CRYBG1: variants seen among roughly 807,000 people sequenced by gnomAD.
The protein encoded by CRYBG1 is crystallin beta-gamma domain containing 1, also known as beta/gamma crystallin domain-containing protein 1.
CRYBG1 carries 139 observed loss-of-function variants against 189.2 expected under a neutral mutation model. The observed-to-expected ratio is 0.73, with a 90% CI of 0.64 to 0.85. The LOEUF is 0.85. Among genes scored for constraint, CRYBG1 ranks in the 40% least tolerant of loss-of-function variants. CRYBG1 has a pLI of 0.00. For missense variants in CRYBG1, 2,611 were observed against 2,675.8 expected, an observed-to-expected ratio of 0.98 and a Z score of 0.53; for synonymous variants, 1,023 against 1,017.1, an observed-to-expected ratio of 1.01 and a Z score of -0.11.
At chr6:106,458,575 A>G (rs1714408104) in intron 2 of CRYBG1, among the ~76,000 whole-genome samples, 1 of 152,156 alleles carries the variant, frequency 6.6e-6, no homozygotes, top group Admixed American at 6.5e-5. Flanking sequence ...ATTTTTTTTC[A>G]TGAATGAAAT....
intron 1 of CRYBG1, among the ~76,000 whole-genome samples, chr6:106,419,351 G>C (rs1381908582): frequency 1.3e-5 from 2 of 152,164 alleles, no homozygotes; most frequent in Non-Finnish European, 2.9e-5. Flanking sequence ...GAAAGACAAA[G>C]AAATATAAGA....
chr6:106,437,783 T>C (rs1771489341), intron 1 of CRYBG1, among the ~76,000 whole-genome samples: 1 of 152,234 alleles, frequency 6.6e-6, no homozygotes, highest in South Asian at 2.1e-4. Context: ...GAAGTTGTTT[T>C]CCTTCCCTTC....
intron 8 of CRYBG1, among the ~76,000 whole-genome samples, chr6:106,534,620 C>T (rs1272942541): frequency 6.6e-6 from 1 of 152,200 alleles, no homozygotes; most frequent in Non-Finnish European, 1.5e-5. Flanking sequence ...AGATTAAGCT[C>T]TTCTACTCAT....
intron 1 of CRYBG1, among the ~76,000 whole-genome samples, chr6:106,372,643 T>A (rs377079727): frequency 6.6e-6 from 1 of 152,160 alleles, no homozygotes; most frequent in African/African-American, 2.4e-5. Flanking sequence ...CTGAGAAAGA[T>A]GGGTGTGGCA....
At chr6:106,428,039 T>G (rs1252405749) in intron 1 of CRYBG1, among the ~76,000 whole-genome samples, 1 of 152,256 alleles carries the variant, frequency 6.6e-6, no homozygotes, top group East Asian at 1.9e-4. Flanking sequence ...TCTGTTCATC[T>G]GCTCTTAAGA....
chr6:106,491,990 C>T (rs1370907903), intron 2 of CRYBG1, among the ~76,000 whole-genome samples: 1 of 152,148 alleles, frequency 6.6e-6, no homozygotes, highest in Non-Finnish European at 1.5e-5. Flanking sequence ...TGCCTTTCCT[C>T]AGTCTGTTCC....
chr6:106,489,532 A>G (rs907553338), intron 2 of CRYBG1, among the ~76,000 whole-genome samples: 3 of 151,984 alleles, frequency 2.0e-5, no homozygotes, highest in African/African-American at 4.8e-5. Flanking sequence ...GAAAAAGAAA[A>G]CATTGGCCAG....
chr6:106,541,384 T>C (rs1367816182), intron 9 of CRYBG1: 1 of 677,628 alleles, frequency 1.5e-6, no homozygotes, highest in Admixed American at 2.2e-5. Flanking sequence ...TATAGACTGC[T>C]TGTGCGAGGC....
chr6:106,532,972 C>T (rs1394297064), intron 8 of CRYBG1, among the ~76,000 whole-genome samples: 1 of 152,292 alleles, frequency 6.6e-6, no homozygotes, highest in Middle Eastern at 3.4e-3. Flanking sequence ...AGGTGCTTTT[C>T]TAGTCACTGG....
intron 1 of CRYBG1, among the ~76,000 whole-genome samples, chr6:106,410,823 A>T (rs1770915692): frequency 6.6e-6 from 1 of 152,108 alleles, no homozygotes; most frequent in Admixed American, 6.6e-5. Flanking sequence ...GAACACATGG[A>T]CCTGGAGGGA....
In CRYBG1 at chr6:106,520,313, G is replaced by GA; in HGVS notation, c.3109dup (p.Thr1037AsnfsTer18). ...CACAAGTCATACCGCCAGCATCAGA[G>GA]AAAACTCTGCCTATTCAGGCTCAAA... On this transcript the variant is annotated frameshift_variant, in exon 4 of 22. Coordinates refer to ENST00000633556, the MANE Select transcript of CRYBG1 (RefSeq NM_001371242.2). LOFTEE classifies it high-confidence loss of function. The GA allele has an allele frequency of 6.2e-7, 1 of 1,614,112 alleles. No individual in the cohort carries two copies. Among genetic ancestry groups the GA allele is most frequent in the South Asian group, 1.1e-5 (1 of 91,082 alleles).
At chr6:106,467,447 G>T (rs2114461616) in intron 2 of CRYBG1, among the ~76,000 whole-genome samples, 1 of 152,028 alleles carries the variant, frequency 6.6e-6, no homozygotes, top group South Asian at 2.1e-4. Context: ...ACTCCAGCCT[G>T]GGCAACAGAG....
intron 2 of CRYBG1, among the ~76,000 whole-genome samples, chr6:106,452,533 T>A (rs1771805708): frequency 6.6e-6 from 1 of 152,202 alleles, no homozygotes; most frequent in Non-Finnish European, 1.5e-5. Context: ...TTTTTTCTTT[T>A]ATACAAACTG....
intron 1 of CRYBG1, among the ~76,000 whole-genome samples, chr6:106,402,303 AG>A (rs1342698383): frequency 1.3e-5 from 1 of 77,856 alleles, no homozygotes; most frequent in Non-Finnish European, 2.4e-5. Flanking sequence ...ACTACTTTAA[AG>A]TTCATATGGA....
At chr6:106,500,781 C>T (rs1772990827) in intron 2 of CRYBG1, among the ~76,000 whole-genome samples, 2 of 152,134 alleles carry the variant, frequency 1.3e-5, no homozygotes, top group Non-Finnish European at 2.9e-5. Flanking sequence ...TTGTATTGGG[C>T]ATTTTACAAA....
At chr6:106,361,981 T>TCTTTCTTTCTTTCTTTCTTTC (rs1259589202) in intron 1 of CRYBG1, among the ~76,000 whole-genome samples, 5 of 25,280 alleles carry the variant, frequency 2.0e-4, no homozygotes, top group East Asian at 1.2e-3. Context: ...TTTTTTTTTT[T>TCTTTCTTTCTTTCTTTCTTTC]TTTTTCTGAG....
intron 2 of CRYBG1, among the ~76,000 whole-genome samples, chr6:106,480,514 AAAT>A (rs1215711695): frequency 6.6e-6 from 1 of 151,820 alleles, no homozygotes; most frequent in African/African-American, 2.4e-5. Flanking sequence ...AAAAAAAAAA[AAAT>A]TTAGCCAGGC....
intron 2 of CRYBG1, among the ~76,000 whole-genome samples, chr6:106,483,378 G>GTGTGTGTGTGTATATATATATATA (rs1347885031): frequency 7.9e-5 from 9 of 113,674 alleles, no homozygotes; most frequent in African/African-American, 2.2e-4. Context: ...GTGTGTGTGT[G>GTGTGTGTGTGTATATATATATATA]TATATATATA....
chr6:106,462,361 A>G (rs776501478), intron 2 of CRYBG1, among the ~76,000 whole-genome samples: 2 of 152,046 alleles, frequency 1.3e-5, no homozygotes, highest in Non-Finnish European at 2.9e-5. Context: ...TAGTAGAGAC[A>G]GGGTTTACGC....
Sources: allele counts gnomAD v4.1 joint callset (sites outside exome capture counted in the v4.1 genomes callset), GRCh38; gene constraint gnomAD v4.1.1; transcripts MANE v1.5; gene names NCBI Gene and HGNC (gene_info 2026-07-23, HGNC 2026-07-21).